Variants in CLSTN3 observed in about 807,000 individuals in gnomAD.
The protein encoded by CLSTN3 is calsyntenin-3.
CLSTN3 carries 36 observed loss-of-function variants against 95.9 expected under a neutral mutation model. That is an observed-to-expected ratio of 0.38 (90% CI 0.29 to 0.50). CLSTN3 has a LOEUF of 0.50. Among genes scored for constraint, CLSTN3 ranks in the 20% least tolerant of loss-of-function variants. The pLI is 0.95. For synonymous variants in CLSTN3, 481 were observed against 504.0 expected, an observed-to-expected ratio of 0.95 and a Z score of 0.61; for missense variants, 1,084 against 1,268.8, an observed-to-expected ratio of 0.85 and a Z score of 2.21.
chr12:7,158,393 T>G lies in CLSTN3; in HGVS notation c.*312T>G. 1 of 189,674 alleles carries G rather than the reference T, an allele frequency of 5.3e-6. No homozygotes were observed. 11.7% of individuals were successfully genotyped at this position (189,674 alleles called of 1,614,324 possible). A position where few individuals can be genotyped will look rare whatever the true frequency, so the allele number is the denominator to read the frequency against. ...TGGCAGCTGCCCCCTTAGCACTCAC[T>G]GTGTTGGGGAGAGGGTGACGATTGC... On this transcript the variant is annotated 3_prime_UTR_variant, in exon 18 of 18. Transcript: ENST00000266546.
chr12:7,129,142 A>G (rs915263484), upstream of CLSTN3: 5 of 312,004 alleles, frequency 1.6e-5, no homozygotes, highest in African/African-American at 8.6e-5. This position sits in a 1 kb window ranked among gnomAD's most constrained non-coding sequence, Gnocchi z 5.5. Context: ...CAGCCATCCA[A>G]AGGTCAGTGT....
Position 7,137,340 on chromosome 12 carries a change from T to A in CLSTN3, c.1210+230T>A, listed in dbSNP as rs909912175. On this transcript the variant is annotated intron_variant, in intron 7 of 17. Coordinates refer to ENST00000266546, the MANE Select transcript of CLSTN3 (RefSeq NM_014718.4). The surrounding 1 kb of genome is among the most constrained non-coding windows in gnomAD (Gnocchi z 4.4). ...TCCTTGCTGCTACTCTTGTTTTCAG[T>A]TGCCCAGTCAACTTCTCTGTGTCCC... is the stretch of plus-strand genomic sequence containing the variant. 3.1e-5 allele frequency: 17 copies of A among 541,034 alleles called. No individual in the cohort carries two copies. In the East Asian group the frequency reaches 5.4e-4, roughly 17 times the overall value. 33.5% of individuals were successfully genotyped at this position (541,034 alleles called of 1,614,324 possible).
At chr12:7,155,123 G>A (rs1939793407) in intron 16 of CLSTN3, among the ~76,000 whole-genome samples, 1 of 152,140 alleles carries the variant, frequency 6.6e-6, no homozygotes, top group East Asian at 1.9e-4. Context: ...CAATCCCATG[G>A]ACCATTTGCT....
chr12:7,150,294 C>T lies in CLSTN3; in HGVS notation c.2246-250C>T, dbSNP rs1939700829. On this transcript the variant is annotated intron_variant, in intron 14 of 17. Transcript: ENST00000266546. This position sits in a 1 kb window ranked among gnomAD's most constrained non-coding sequence, Gnocchi z 4.0. Reference sequence around the variant, plus strand: ...CTGTCTTTCAGGATGTCTTTATCTCCTTCTTTCCATTCCTCCTCAGAACCT... The same window carrying T: ...CTGTCTTTCAGGATGTCTTTATCTCTTTCTTTCCATTCCTCCTCAGAACCT... Among the ~76,000 whole-genome samples the T allele has an allele frequency of 6.6e-6, 1 of 152,182 alleles. No homozygotes were observed. Among genetic ancestry groups the T allele is most frequent in the Non-Finnish European group, 1.5e-5 (1 of 68,026 alleles).
Position 7,150,477 on chromosome 12 carries a change from G to T in CLSTN3, c.2246-67G>T, listed in dbSNP as rs1346965711. ...TGTGGCGTCAGCTGGTGGGAGTCCA[G>T]GAGAGAGGGTCCTGCCCAGGTCCTG... On this transcript the variant is annotated intron_variant, in intron 14 of 17. Coordinates refer to ENST00000266546, the MANE Select transcript of CLSTN3 (RefSeq NM_014718.4). The surrounding 1 kb of genome is among the most constrained non-coding windows in gnomAD (Gnocchi z 4.0). 87 of 1,556,812 alleles carry T rather than the reference G, an allele frequency of 5.6e-5. No homozygotes were observed. Among genetic ancestry groups the T allele is most frequent in the Non-Finnish European group, 7.5e-5 (86 of 1,144,554 alleles).
chr12:7,158,299 T>C lies in CLSTN3; in HGVS notation c.*218T>C, dbSNP rs1360324776. ...CACTTCTGGGCTGTCATGCTCCTGG[T>C]GTGCCCCTTGCACTGGGGCTGGCTG... On this transcript the variant is annotated 3_prime_UTR_variant, in exon 18 of 18. Transcript: ENST00000266546. The C allele has an allele frequency of 9.6e-6, 5 of 520,370 alleles. No homozygotes were observed. Among genetic ancestry groups the C allele is most frequent in the Non-Finnish European group, 1.3e-5 (4 of 302,786 alleles). The allele number at this position is 520,370 out of a possible 1,614,324, so 32.2% of individuals were successfully genotyped here.
chr12:7,138,218 G>C, intron 8 of CLSTN3, 151 bp downstream of exon 8: 1 of 553,010 alleles, frequency 1.8e-6, no homozygotes, highest in Non-Finnish European at 3.2e-6. Context: ...CTACTCCCAG[G>C]TCCTCTTGTT....
In CLSTN3 at chr12:7,157,912, C is replaced by T. The variant is rs1308594372; in HGVS notation, c.2731-29C>T. The T allele has an allele frequency of 1.9e-6, 3 of 1,548,554 alleles. No homozygotes were observed. The highest frequency in any genetic ancestry group is 2.6e-6 in the Non-Finnish European group (3 of 1,146,856). On this transcript the variant is annotated intron_variant, in intron 17 of 17. Coordinates refer to ENST00000266546, the MANE Select transcript of CLSTN3 (RefSeq NM_014718.4). This position sits in a 1 kb window ranked among gnomAD's most constrained non-coding sequence, Gnocchi z 5.9. Reference sequence around the variant, plus strand: ...GCTGGGATGTGTGCAGGCCATTGATCCCTTCTCCTCTCTGTTCCTGCCCTC... The same window carrying T: ...GCTGGGATGTGTGCAGGCCATTGATTCCTTCTCCTCTCTGTTCCTGCCCTC...
intron 6 of CLSTN3, 47 bp downstream of exon 6, chr12:7,136,438 A>G (rs924035397): frequency 1.3e-6 from 2 of 1,494,092 alleles, no homozygotes; most frequent in Middle Eastern, 1.9e-4. Flanking sequence ...TTCCCATCCA[A>G]CCTCTGTCCA....
intron 16 of CLSTN3, among the ~76,000 whole-genome samples, chr12:7,153,236 C>G (rs1353570565): frequency 2.6e-5 from 4 of 152,180 alleles, no homozygotes; most frequent in African/African-American, 9.7e-5. Flanking sequence ...TCACTGGAGC[C>G]TCGAACTCCT....
At chr12:7,139,261 G>A (rs1939485862) in intron 8 of CLSTN3, among the ~76,000 whole-genome samples, 1 of 152,238 alleles carries the variant, frequency 6.6e-6, no homozygotes, top group African/African-American at 2.4e-5. Flanking sequence ...ATGGCGGGAG[G>A]CAAGGAAAGG....
At position 7,158,003 on chromosome 12, in the gene CLSTN3, C is replaced by G. The variant is rs1939851651; in HGVS notation, c.2793C>G (p.Asp931Glu). The G allele has an allele frequency of 1.3e-6, 2 of 1,551,282 alleles. No homozygotes were observed. The highest frequency in any genetic ancestry group is 1.7e-6 in the Non-Finnish European group (2 of 1,146,900). Reference protein sequence around the residue: ...GAVGGQQEDEDSSDSEVADSP... With the variant: ...GAVGGQQEDEESSDSEVADSP... ...TTGGGGGCCAGCAGGAGGATGAGGACAGCAGTGACTCGGAGGTGGCCGATT... is the reference window on the plus strand; with the variant it reads ...TTGGGGGCCAGCAGGAGGATGAGGAGAGCAGTGACTCGGAGGTGGCCGATT... Residue 931 changes from aspartate to glutamate, a missense_variant, in exon 18 of 18, where the codon GAC becomes GAG. Asp to Glu is a conservative substitution (Grantham distance 45, BLOSUM62 2). Coordinates refer to ENST00000266546, the MANE Select transcript of CLSTN3 (RefSeq NM_014718.4).
At chr12:7,130,756 C>A in intron 1 of CLSTN3, 44 bp downstream of exon 1, 1 of 1,497,600 alleles carries the variant, frequency 6.7e-7, no homozygotes, top group Non-Finnish European at 9.1e-7. Context: ...GGGCGTCGGG[C>A]AGCGCCGTGC....
intron 1 of CLSTN3, chr12:7,132,820 A>G: frequency 1.5e-6 from 1 of 652,972 alleles, no homozygotes; most frequent in South Asian, 1.8e-5. Context: ...GCTATAGGAG[A>G]AGGCTATGAC....
chr12:7,131,068 T>G (rs1229485928), intron 1 of CLSTN3: 3 of 423,398 alleles, frequency 7.1e-6, no homozygotes, highest in Non-Finnish European at 1.3e-5. Context: ...GATAGGCCTC[T>G]CCCCGCGGCT....
At position 7,135,509 on chromosome 12, in the gene CLSTN3, A is replaced by G. The variant is rs1475536219; in HGVS notation, c.566A>G (p.Asn189Ser). 1.2e-6 allele frequency: 2 copies of G among 1,613,918 alleles called. No homozygotes were observed. Among genetic ancestry groups the G allele is most frequent in the Admixed American group, 1.7e-5 (1 of 60,004 alleles). ...TGCTACTATGAGATTCTCACACCCA[A>G]CACCCCTTTCCTCATTGACAATGAC... ...QICYYEILTP[N>S]TPFLIDNDGN... is the part of the protein sequence containing the mutation. Residue 189 changes from asparagine to serine, a missense_variant, in exon 4 of 18, where the codon AAC becomes AGC. Coordinates refer to ENST00000266546, the MANE Select transcript of CLSTN3 (RefSeq NM_014718.4).
chr12:7,143,326 G>A lies in CLSTN3; in HGVS notation c.1847+15G>A. 6.2e-7 allele frequency: 1 copy of A among 1,601,438 alleles called. No individual in the cohort carries two copies. Among genetic ancestry groups the A allele is most frequent in the South Asian group, 1.1e-5 (1 of 90,686 alleles). On this transcript the variant is annotated intron_variant, in intron 12 of 17. Coordinates refer to ENST00000266546, the MANE Select transcript of CLSTN3 (RefSeq NM_014718.4). ...ACTGCTGTCAAGTGAGTGTTGGGTG[G>A]GGCAGGGCAAATCACCAAGCAGAGC...
chr12:7,142,744 C>T, intron 10 of CLSTN3, 125 bp from the exon 11 acceptor site: 1 of 404,686 alleles, frequency 2.5e-6, no homozygotes, highest in Non-Finnish European at 4.1e-6. Context: ...TTGGTTTCCA[C>T]ATTTCTCCTT....
rs1433332420 is a variant in CLSTN3, at chr12:7,141,583, A to G, written c.1486+179A>G. Among the ~76,000 whole-genome samples the G allele has an allele frequency of 6.6e-6, 1 of 152,140 alleles. No individual in the cohort carries two copies. Among genetic ancestry groups the G allele is most frequent in the African/African-American group, 2.4e-5 (1 of 41,418 alleles). ...CCACAGCCTCCCTCCCGTATCTCCC[A>G]CTAATCCAATGGGTCATCACCTCTG... On this transcript the variant is annotated intron_variant, in intron 9 of 17. Transcript: ENST00000266546. This position sits in a 1 kb window ranked among gnomAD's most constrained non-coding sequence, Gnocchi z 4.1.
Sources: gnomAD v4.1 joint callset for allele counts (sites outside exome capture counted in the v4.1 genomes callset) on GRCh38, gnomAD v4.1.1 for gene constraint, Gnocchi (gnomAD v3.1) non-coding constraint, MANE v1.5 for transcripts, NCBI Gene and HGNC (gene_info 2026-07-23, HGNC 2026-07-21) for gene names.